Variants in UBE2D2 observed in about 807,000 individuals in gnomAD.
The protein encoded by UBE2D2 is ubiquitin conjugating enzyme E2 D2.
In UBE2D2, 2 loss-of-function variants were observed where a neutral mutation model predicts 24.2. That is an observed-to-expected ratio of 0.08 (90% CI 0.03 to 0.26). The LOEUF (loss-of-function observed/expected upper bound fraction) is 0.26. Ranked by LOEUF, UBE2D2 falls within the 10% of genes least tolerant of loss-of-function variation. The pLI is 1.00. For missense variants in UBE2D2, 44 were observed against 177.6 expected, an observed-to-expected ratio of 0.25 and a Z score of 4.28; for synonymous variants, 58 against 56.5, an observed-to-expected ratio of 1.03 and a Z score of -0.12.
chr5:139,547,375 C>A (rs1230329238), intron 1 of UBE2D2, among the ~76,000 whole-genome samples: 4 of 152,220 alleles, frequency 2.6e-5, no homozygotes, highest in Non-Finnish European at 5.9e-5. Flanking sequence ...AAGACAAGAA[C>A]AGAAAATGCC....
chr5:139,579,885 A>G (rs1753556706), intron 1 of UBE2D2, among the ~76,000 whole-genome samples: 1 of 151,878 alleles, frequency 6.6e-6, no homozygotes, highest in African/African-American at 2.4e-5. Flanking sequence ...GTCTCTACTA[A>G]AGATACAAAA....
chr5:139,622,120 T>G (rs1284244888), intron 5 of UBE2D2, among the ~76,000 whole-genome samples: 1 of 152,240 alleles, frequency 6.6e-6, no homozygotes, highest in Non-Finnish European at 1.5e-5. Flanking sequence ...ATATCAACTC[T>G]TCTTACATCA....
At chr5:139,625,034 T>C (rs1381871957) in intron 6 of UBE2D2, among the ~76,000 whole-genome samples, 2 of 151,922 alleles carry the variant, frequency 1.3e-5, no homozygotes, top group African/African-American at 4.8e-5. Flanking sequence ...TTTCCCAAAC[T>C]GCACTGCCCC....
rs1581492841 is a variant in UBE2D2 at position 139,562,493 on chromosome 5, G to A, written c.24+678G>A. On this transcript the variant is annotated intron_variant, in intron 1 of 6. Coordinates refer to ENST00000398733, the MANE Select transcript of UBE2D2 (RefSeq NM_003339.3). Reference sequence around the variant, plus strand: ...TATGTAGTTAGAAACTAACACTTCCGTTTTGCAGGATTGGATCTAATAGAA... The same window carrying A: ...TATGTAGTTAGAAACTAACACTTCCATTTTGCAGGATTGGATCTAATAGAA... 3 of 1,230,418 alleles carry A rather than the reference G, an allele frequency of 2.4e-6. No homozygotes were observed. The East Asian group carries it at 1.7e-4, about 70-fold the overall frequency. 76.2% of individuals were successfully genotyped at this position (1,230,418 alleles called of 1,614,324 possible). A position where few individuals can be genotyped will look rare whatever the true frequency, so the allele number is the denominator to read the frequency against.
chr5:139,528,763 G>A (rs529635086), intron 1 of UBE2D2, among the ~76,000 whole-genome samples: 54 of 152,224 alleles, frequency 3.5e-4, no homozygotes, highest in Admixed American at 7.9e-4. Flanking sequence ...CTTGCTCCCC[G>A]TATCAGAGAG....
chr5:139,610,754 G>A (rs938555198), intron 2 of UBE2D2, among the ~76,000 whole-genome samples: 6 of 151,912 alleles, frequency 3.9e-5, no homozygotes, highest in African/African-American at 1.5e-4. Flanking sequence ...CTACTTGGGA[G>A]GCTGAGACAG....
chr5:139,562,254 A>G (rs1753120237), intron 1 of UBE2D2: 3 of 1,363,046 alleles, frequency 2.2e-6, no homozygotes, highest in Non-Finnish European at 2.9e-6. Context: ...CTCCCTCCAC[A>G]AAACCGCCTG....
intron 1 of UBE2D2, among the ~76,000 whole-genome samples, chr5:139,564,532 C>T (rs1407165985): frequency 2.0e-5 from 3 of 151,876 alleles, no homozygotes; most frequent in South Asian, 4.2e-4. Context: ...TGGCTCACTG[C>T]AACTTCCGCT....
intron 1 of UBE2D2, among the ~76,000 whole-genome samples, chr5:139,599,242 T>C (rs1204693286): frequency 6.6e-6 from 1 of 151,822 alleles, no homozygotes; most frequent in Non-Finnish European, 1.5e-5. Flanking sequence ...GCCTAAAATA[T>C]ATTCCTTCAA....
upstream of UBE2D2, among the ~76,000 whole-genome samples, chr5:139,559,135 A>G (rs2126643687): frequency 6.6e-6 from 1 of 152,252 alleles, no homozygotes; most frequent in East Asian, 1.9e-4. Context: ...CTTTAAAAAA[A>G]AAATCTGTCG....
intron 2 of UBE2D2, 148 bp from the exon 3 acceptor site, chr5:139,614,438 A>T (rs1561520482): frequency 1.1e-6 from 1 of 915,818 alleles, no homozygotes; most frequent in Non-Finnish European, 1.7e-6. Context: ...GTTTCTTTAG[A>T]CTGTTAATTT....
At chr5:139,622,915 A>G (rs1269493203) in intron 5 of UBE2D2, among the ~76,000 whole-genome samples, 2 of 145,832 alleles carry the variant, frequency 1.4e-5, no homozygotes, top group Admixed American at 6.9e-5. Context: ...AAATAAAAAA[A>G]ACTATTTGCC....
intron 6 of UBE2D2, among the ~76,000 whole-genome samples, chr5:139,625,929 A>G (rs895428955): frequency 7.3e-5 from 11 of 150,916 alleles, no homozygotes; most frequent in Admixed American, 6.6e-4. Flanking sequence ...TAATAGGAGA[A>G]TTATAGAATC....
At chr5:139,624,435 C>T (rs896727202) in intron 6 of UBE2D2, among the ~76,000 whole-genome samples, 1 of 152,146 alleles carries the variant, frequency 6.6e-6, no homozygotes, top group African/African-American at 2.4e-5. Context: ...GCACTAATAA[C>T]ATCTGTTTTA....
chr5:139,557,215 C>A (rs182091329), upstream of UBE2D2, among the ~76,000 whole-genome samples: 138 of 151,872 alleles, frequency 9.1e-4, no homozygotes, highest in African/African-American at 3.2e-3. Flanking sequence ...CTCACTGCAA[C>A]CTCCGCCTCC....
At chr5:139,557,679 G>A (rs1251768797), upstream of UBE2D2, among the ~76,000 whole-genome samples, 1 of 151,984 alleles carries the variant, frequency 6.6e-6, no homozygotes, top group Non-Finnish European at 1.5e-5. Flanking sequence ...ACCCGGAGAC[G>A]GAGACTGCAG....
chr5:139,596,441 G>T (rs1383263263), intron 1 of UBE2D2, among the ~76,000 whole-genome samples: 1 of 151,704 alleles, frequency 6.6e-6, no homozygotes, highest in African/African-American at 2.4e-5. Context: ...TTACAGGTGT[G>T]CGCCACCACA....
Position 139,606,222 on chromosome 5 carries a change from C to T in UBE2D2, c.88+5787C>T, listed in dbSNP as rs550676279. 9.2e-5 allele frequency among the ~76,000 whole-genome samples: 14 copies of T among 152,204 alleles called. No homozygotes were observed. The East Asian group carries it at 2.3e-3, about 25-fold the overall frequency. ...TGTTGCCCGGGCTGGAGTGCAGTGG[C>T]GCAATCTCGGCTCACTGAAACCTCT... On this transcript the variant is annotated intron_variant, in intron 2 of 6. Coordinates refer to ENST00000398733, the MANE Select transcript of UBE2D2 (RefSeq NM_003339.3).
chr5:139,554,403 T>A (rs1382374135), intron 1 of UBE2D2, among the ~76,000 whole-genome samples: 1 of 152,246 alleles, frequency 6.6e-6, no homozygotes. Flanking sequence ...AAATTCGTTT[T>A]GTCTGTTTTT....
Sources: allele counts gnomAD v4.1 joint callset (sites outside exome capture counted in the v4.1 genomes callset), GRCh38; gene constraint gnomAD v4.1.1; transcripts MANE v1.5; gene names NCBI Gene and HGNC (gene_info 2026-07-23, HGNC 2026-07-21).